The following SHISA2 variants were observed in gnomAD, a reference collection of about 807,000 sequenced individuals.
The protein encoded by SHISA2 is protein shisa-2 homolog.
In SHISA2, 16 loss-of-function variants were observed where a neutral mutation model predicts 23.8. The observed-to-expected ratio is 0.67, with a 90% CI of 0.46 to 1.02. SHISA2 has a LOEUF of 1.02. SHISA2 is among the 50% of genes least tolerant of loss of function. SHISA2 has a pLI of 0.00. For synonymous variants in SHISA2, 201 were observed against 178.6 expected (o/e 1.13, Z -1.00); for missense variants, 459 against 420.1 (o/e 1.09, Z -0.81).
intron 1 of SHISA2, 151 bp from the exon 2 acceptor site, chr13:26,047,217 C>G: frequency 1.2e-6 from 1 of 825,810 alleles, no homozygotes; most frequent in Non-Finnish European, 1.8e-6. Context: ...ATTAGGAGTC[C>G]ATAAGATGCA....
chr13:26,049,495 C>T (rs1957286345), intron 1 of SHISA2, among the ~76,000 whole-genome samples: 1 of 152,142 alleles, frequency 6.6e-6, no homozygotes, highest in Non-Finnish European at 1.5e-5. Context: ...GGTCTGGCTC[C>T]CTTCTCTGGG....
At chr13:26,048,097 C>G (rs1339946839) in intron 1 of SHISA2, among the ~76,000 whole-genome samples, 3 of 152,114 alleles carry the variant, frequency 2.0e-5, no homozygotes, top group African/African-American at 7.2e-5. Flanking sequence ...GAGCTCAGGA[C>G]TTCAAGACCA....
chr13:26,051,078 C>G lies in SHISA2; in HGVS notation c.-103G>C, dbSNP rs1313589478. ...CCGGGCCTCGTCACTGACTGTCCCGCGGCGCTTTCCGCGCGGGCCACTCCC... is the reference window on the plus strand; with the variant it reads ...CCGGGCCTCGTCACTGACTGTCCCGGGGCGCTTTCCGCGCGGGCCACTCCC... On this transcript the variant is annotated 5_prime_UTR_variant, in exon 1 of 2. Coordinates refer to ENST00000319420, the MANE Select transcript of SHISA2 (RefSeq NM_001007538.2). The G allele has an allele frequency of 3.7e-6, 4 of 1,091,488 alleles. No homozygotes were observed. The African/African-American group carries it at 6.7e-5, about 18-fold the overall frequency. 67.6% of individuals were successfully genotyped at this position (1,091,488 alleles called of 1,614,324 possible).
Position 26,046,432 on chromosome 13 carries a change from C to T in SHISA2, c.*81G>A, listed in dbSNP as rs537386967. On this transcript the variant is annotated 3_prime_UTR_variant, in exon 2 of 2. Transcript: ENST00000319420. Reference sequence around the variant, plus strand: ...AAAGGAATCGTGCCATAAATACCACCGACATGTGCGGACTTCCACCTCGAG... The same window carrying T: ...AAAGGAATCGTGCCATAAATACCACTGACATGTGCGGACTTCCACCTCGAG... 6.4e-5 allele frequency: 91 copies of T among 1,420,762 alleles called. No individual in the cohort carries two copies. In the African/African-American group the frequency reaches 1.1e-3, roughly 17 times the overall value. The allele number at this position is 1,420,762 out of a possible 1,614,324, so 88.0% of individuals were successfully genotyped here.
intron 1 of SHISA2, among the ~76,000 whole-genome samples, chr13:26,049,889 CACA>C (rs1957289715): frequency 6.7e-6 from 1 of 149,984 alleles, no homozygotes; most frequent in African/African-American, 2.5e-5. Context: ...CACACACACA[CACA>C]CACACACACG....
intron 1 of SHISA2, 135 bp from the exon 2 acceptor site, chr13:26,047,201 T>C: frequency 1.0e-6 from 1 of 965,746 alleles, no homozygotes; most frequent in South Asian, 1.8e-5. Flanking sequence ...GCTAATTTGT[T>C]CACATATTAG....
At position 26,046,740 on chromosome 13, in the gene SHISA2, G is replaced by A. The variant is rs1957270696; in HGVS notation, c.661C>T (p.Pro221Ser). Residue 221 changes from proline to serine, a missense_variant, in exon 2 of 2, where the codon CCC (proline) becomes TCC (serine). Transcript: ENST00000319420. ...CAGTTCAGCACAGAGAAATTCGTGG[G>A]CATGTTGACATACACGTTGTTCATG... ...GTMNNVYVNM[P>S]TNFSVLNCQQ... The A allele has an allele frequency of 6.2e-7, 1 of 1,614,234 alleles. No homozygotes were observed. Among genetic ancestry groups the A allele is most frequent in the South Asian group, 1.1e-5 (1 of 91,084 alleles).
rs368445846 is a variant in SHISA2, at chr13:26,046,475, G to A, written c.*38C>T. On this transcript the variant is annotated 3_prime_UTR_variant, in exon 2 of 2. Coordinates refer to ENST00000319420, the MANE Select transcript of SHISA2 (RefSeq NM_001007538.2). Reference sequence around the variant, plus strand: ...ACCTCGAGAATCCACCCCTGCCTTCGTCTCCCTTCAGTAAAGGAACCCACC... The same window carrying A: ...ACCTCGAGAATCCACCCCTGCCTTCATCTCCCTTCAGTAAAGGAACCCACC... The A allele has an allele frequency of 2.1e-5, 32 of 1,540,920 alleles. No homozygotes were observed. In the East Asian group the frequency reaches 2.5e-4, roughly 12 times the overall value.
intron 1 of SHISA2, among the ~76,000 whole-genome samples, chr13:26,049,961 G>A (rs187337472): frequency 2.3e-3 from 343 of 151,814 alleles, no homozygotes; most frequent in Non-Finnish European, 4.0e-3. Context: ...AGAGTGAAGT[G>A]CAACCTACCA....
intron 1 of SHISA2, among the ~76,000 whole-genome samples, chr13:26,050,009 G>A (rs1279619855): frequency 6.8e-6 from 1 of 147,128 alleles, no homozygotes; most frequent in Non-Finnish European, 1.5e-5. Context: ...TCTGGCTTTG[G>A]CAATTTGAAA....
In SHISA2 at chr13:26,051,044, C is replaced by T; in HGVS notation, c.-69G>A. 3 of 1,325,434 alleles carry T rather than the reference C, an allele frequency of 2.3e-6. No individual in the cohort carries two copies. The highest frequency in any genetic ancestry group is 3.2e-5 in the Admixed American group (1 of 31,346). 82.1% of individuals were successfully genotyped at this position (1,325,434 alleles called of 1,614,324 possible). ...GACGGTCTCCGAGAAGTCGTGGCCC[C>T]GGCGACCCCCGGGCCTCGTCACTGA... On this transcript the variant is annotated 5_prime_UTR_variant, in exon 1 of 2. Transcript: ENST00000319420.
rs1957260702 is a variant in SHISA2, at chr13:26,045,588, T to C, written c.*925A>G. On this transcript the variant is annotated 3_prime_UTR_variant, in exon 2 of 2. Transcript: ENST00000319420. Reference sequence around the variant, plus strand: ...TAGAAAATCACTTTGTAATAAGATCTCTACATAAGGTAAAAAAGCACAAAA... The same window carrying C: ...TAGAAAATCACTTTGTAATAAGATCCCTACATAAGGTAAAAAAGCACAAAA... 6.6e-6 allele frequency: 1 copy of C among 152,152 alleles called. No individual in the cohort carries two copies. The highest frequency in any genetic ancestry group is 6.5e-5 in the Admixed American group (1 of 15,274). The allele number at this position is 152,152 out of a possible 1,614,324, so 9.4% of individuals were successfully genotyped here.
chr13:26,051,480 G>A lies in SHISA2; in HGVS notation c.-505C>T, dbSNP rs1281131495. Among the ~76,000 whole-genome samples the A allele has an allele frequency of 6.6e-6, 1 of 152,222 alleles. No homozygotes were observed. Among genetic ancestry groups the A allele is most frequent in the Non-Finnish European group, 1.5e-5 (1 of 68,022 alleles). On this transcript the variant is annotated 5_prime_UTR_variant, in exon 1 of 2. Transcript: ENST00000319420. ...TCGGGCGGGTAGAAGGGGCGAAGGC[G>A]GGCAGTGCACGCAAGGCTCTGGGCA...
chr13:26,047,138 G>T, intron 1 of SHISA2, 72 bp from the exon 2 acceptor site: 1 of 1,422,334 alleles, frequency 7.0e-7, no homozygotes, highest in South Asian at 1.5e-5. Context: ...AACTGGCAAT[G>T]GCAATGAATG....
rs1957267652 is a variant in SHISA2 at position 26,046,418 on chromosome 13, G to T, written c.*95C>A. On this transcript the variant is annotated 3_prime_UTR_variant, in exon 2 of 2. Coordinates refer to ENST00000319420, the MANE Select transcript of SHISA2 (RefSeq NM_001007538.2). The stretch of plus-strand genomic sequence containing the variant: ...AAATGAAGCCATCCAAAGGAATCGT[G>T]CCATAAATACCACCGACATGTGCGG... 2 of 1,294,406 alleles carry T rather than the reference G, an allele frequency of 1.5e-6. No individual in the cohort carries two copies. The highest frequency in any genetic ancestry group is 1.5e-5 in the South Asian group (1 of 67,364). The allele number at this position is 1,294,406 out of a possible 1,614,324, so 80.2% of individuals were successfully genotyped here. A position where few individuals can be genotyped will look rare whatever the true frequency, so the allele number is the denominator to read the frequency against.
At chr13:26,048,731 G>C (rs552923231) in intron 1 of SHISA2, among the ~76,000 whole-genome samples, 46 of 152,310 alleles carry the variant, frequency 3.0e-4, no homozygotes, top group African/African-American at 9.9e-4. Context: ...GCTGGAGTCA[G>C]TGTTTTTAAA....
chr13:26,049,756 C>G (rs1957288194), intron 1 of SHISA2, among the ~76,000 whole-genome samples: 1 of 151,900 alleles, frequency 6.6e-6, no homozygotes, highest in South Asian at 2.1e-4. Context: ...AGGATGCTAG[C>G]GAAAAGCCTC....
chr13:26,050,087 G>A (rs932520659), intron 1 of SHISA2, among the ~76,000 whole-genome samples: 18 of 152,210 alleles, frequency 1.2e-4, no homozygotes, highest in African/African-American at 4.3e-4. Context: ...TACTAAGTCT[G>A]ACGTGGTAAG....
intron 1 of SHISA2, 122 bp downstream of exon 1, chr13:26,050,520 G>T: frequency 9.8e-7 from 1 of 1,022,782 alleles, no homozygotes; most frequent in Non-Finnish European, 1.3e-6. Flanking sequence ...TAAGCCAGAA[G>T]GCAGACTCCG....
Sources: gnomAD v4.1 joint callset for allele counts (sites outside exome capture counted in the v4.1 genomes callset) on GRCh38, gnomAD v4.1.1 for gene constraint, MANE v1.5 for transcripts, NCBI Gene and HGNC (gene_info 2026-07-23, HGNC 2026-07-21) for gene names.